The following P2RX5 variants were observed in gnomAD, a reference collection of about 807,000 sequenced individuals.
P2RX5 encodes purinergic receptor P2X 5.
P2RX5 carries 46 observed loss-of-function variants against 54.1 expected under a neutral mutation model. The ratio of observed to expected loss-of-function variants is 0.85; its 90% CI spans 0.67 to 1.09. P2RX5 has a LOEUF of 1.09. P2RX5 is among the 50% of genes least tolerant of loss of function. P2RX5 has a pLI of 0.00. For missense variants in P2RX5, 566 were observed against 549.8 expected (o/e 1.03, Z -0.29); for synonymous variants, 226 against 226.4 (o/e 1.00, Z 0.02).
chr17:3,676,473 G>GT, intron 11 of P2RX5: 3 of 983,990 alleles, frequency 3.0e-6, no homozygotes, highest in Non-Finnish European at 2.4e-6. Context: ...TTTGAATCAT[G>GT]TAAGTATTAC....
intron 11 of P2RX5, chr17:3,678,129 G>A (rs2050145625): frequency 1.0e-6 from 1 of 985,098 alleles, no homozygotes; most frequent in Admixed American, 6.1e-5. Flanking sequence ...TTCTGCAAAT[G>A]GCCAGACCTG....
chr17:3,721,669 G>C, the P2RX5 span: 2 of 152,102 alleles, frequency 1.3e-5, no homozygotes, highest in African/African-American at 4.8e-5. Flanking sequence ...ATGTCACCTG[G>C]ATCACTGTAA....
At chr17:3,696,828 G>A (rs1443275624), upstream of P2RX5, among the ~76,000 whole-genome samples, 1 of 152,134 alleles carries the variant, frequency 6.6e-6, no homozygotes, top group Non-Finnish European at 1.5e-5. Flanking sequence ...GGGAACTGAG[G>A]CCAGGGGAGG....
chr17:3,674,487 C>T (rs1162275839), intron 11 of P2RX5, among the ~76,000 whole-genome samples: 1 of 152,230 alleles, frequency 6.6e-6, no homozygotes, highest in Non-Finnish European at 1.5e-5. Flanking sequence ...CGATCCCTGG[C>T]TCTTCTGAGC....
chr17:3,716,534 T>A, the P2RX5 span, among the ~76,000 whole-genome samples: 1 of 152,222 alleles, frequency 6.6e-6, no homozygotes, highest in Non-Finnish European at 1.5e-5. Flanking sequence ...TTTACTCATT[T>A]GTCTAAATGG....
At chr17:3,702,999 G>A in the P2RX5 span, among the ~76,000 whole-genome samples, 1 of 152,166 alleles carries the variant, frequency 6.6e-6, no homozygotes, top group Non-Finnish European at 1.5e-5. Context: ...TAAAAGCTAC[G>A]AGGGAGCCTC....
chr17:3,706,713 G>A, the P2RX5 span, among the ~76,000 whole-genome samples: 2 of 152,142 alleles, frequency 1.3e-5, no homozygotes, highest in Non-Finnish European at 2.9e-5. Flanking sequence ...CCGGGTTCAA[G>A]TGATTCTCCT....
At position 3,691,761 on chromosome 17, in the gene P2RX5, G is replaced by C; in HGVS notation, c.171C>G (p.Asp57Glu). 6.2e-7 allele frequency: 1 copy of C among 1,614,210 alleles called. No homozygotes were observed. Among genetic ancestry groups the C allele is most frequent in the South Asian group, 1.1e-5 (1 of 91,084 alleles). The change falls in exon 2 of 12, where the codon GAC becomes GAG. Residue 57 changes from aspartate (D) to glutamate (E), a missense_variant. Coordinates refer to ENST00000225328, the MANE Select transcript of P2RX5 (RefSeq NM_002561.4). ...CAGCACTCTGCAGGGAGGTGTCGACGTCTTGGTAACCCTTCTTTATCAGGA... is the reference window on the plus strand; with the variant it reads ...CAGCACTCTGCAGGGAGGTGTCGACCTCTTGGTAACCCTTCTTTATCAGGA... ...WVFLIKKGYQ[D>E]VDTSLQSAVI...
intron 11 of P2RX5, chr17:3,675,607 A>C: frequency 1.0e-6 from 1 of 962,140 alleles, no homozygotes; most frequent in South Asian, 4.8e-5. Flanking sequence ...GCCAGAGTGC[A>C]GTGGTATGAT....
the P2RX5 span, among the ~76,000 whole-genome samples, chr17:3,722,982 T>C: frequency 9.9e-5 from 15 of 152,002 alleles, no homozygotes; most frequent in African/African-American, 3.4e-4. Flanking sequence ...GCAGTGGAAA[T>C]GGAGAGAAGT....
At chr17:3,723,831 C>G in the P2RX5 span, 4 of 1,551,614 alleles carry the variant, frequency 2.6e-6, no homozygotes, top group Non-Finnish European at 3.5e-6. Context: ...TGGCGAGGTG[C>G]GCATGCGCAG....
At chr17:3,685,504 G>C (rs2050420154) in intron 9 of P2RX5, 1 of 154,452 alleles carries the variant, frequency 6.5e-6, no homozygotes, top group Non-Finnish European at 1.5e-5. Flanking sequence ...GGAGGGAGGG[G>C]AGGTACTCCC....
chr17:3,689,462 G>A (rs1403101589), intron 7 of P2RX5, 30 bp downstream of exon 7: 7 of 1,612,788 alleles, frequency 4.3e-6, no homozygotes, highest in Non-Finnish European at 5.9e-6. Flanking sequence ...CAGGCCCTCA[G>A]GGAGGGCTCC....
At chr17:3,676,263 T>G in intron 11 of P2RX5, 2 of 985,416 alleles carry the variant, frequency 2.0e-6, no homozygotes, top group Non-Finnish European at 2.4e-6. Context: ...CGAAACGTAC[T>G]TCATGTCCAT....
intron 7 of P2RX5, 83 bp from the exon 8 acceptor site, chr17:3,688,842 G>A (rs2050522159): frequency 6.7e-7 from 1 of 1,482,214 alleles, no homozygotes; most frequent in Admixed American, 1.7e-5. Flanking sequence ...ACCGGCACTG[G>A]ACAATAGGAG....
upstream of P2RX5, among the ~76,000 whole-genome samples, chr17:3,698,685 C>T (rs1238775604): frequency 6.6e-6 from 1 of 152,172 alleles, no homozygotes; most frequent in African/African-American, 2.4e-5. Context: ...CCCTCCAGTA[C>T]AGGCAGCCCC....
chr17:3,691,654 A>G lies in P2RX5; in HGVS notation c.278T>C (p.Ile93Thr), dbSNP rs983420187. 6.2e-7 allele frequency: 1 copy of G among 1,614,168 alleles called. No individual in the cohort carries two copies. Among genetic ancestry groups the G allele is most frequent in the African/African-American group, 1.3e-5 (1 of 75,070 alleles). ...GGTGGGGACTCAGACCTGGGCTGGA[A>G]TGACGTAGTCGGCGACATCCCAGAT... ...QRIWDVADYVIPAQGENVFFV... is the reference protein window; with the variant it reads ...QRIWDVADYVTPAQGENVFFV... The change falls in exon 2 of 12, where the codon ATT becomes ACT. Residue 93 changes from isoleucine (I) to threonine (T), a missense_variant. Transcript: ENST00000225328.
At chr17:3,703,452 C>T in the P2RX5 span, among the ~76,000 whole-genome samples, 1 of 151,974 alleles carries the variant, frequency 6.6e-6, no homozygotes, top group Non-Finnish European at 1.5e-5. Flanking sequence ...TGCTTGAGCC[C>T]AGGAGATTGA....
Position 3,690,136 on chromosome 17 carries a change from T to A in P2RX5, c.548A>T (p.Lys183Met). 1 of 1,614,166 alleles carries A rather than the reference T, an allele frequency of 6.2e-7. No individual in the cohort carries two copies. Among genetic ancestry groups the A allele is most frequent in the Non-Finnish European group, 8.5e-7 (1 of 1,180,008 alleles). The change falls in exon 6 of 12, where the codon AAG (lysine) becomes ATG (methionine). Residue 183 changes from lysine (K) to methionine (M), a missense_variant. Physicochemically the swap from Lys to Met is moderately conservative, Grantham distance 95. Transcript: ENST00000225328. The part of the protein sequence containing the change: ...TSSRPEEPFL[K>M]EAEDFTIFIK... Reference sequence around the variant, plus strand: ...GAAAATGGTGAAGTCTTCGGCCTCCTTCAGGAATGGCTCCCTGAAAACCAA... The same window carrying A: ...GAAAATGGTGAAGTCTTCGGCCTCCATCAGGAATGGCTCCCTGAAAACCAA...
Sources: gnomAD v4.1 joint callset for allele counts (sites outside exome capture counted in the v4.1 genomes callset) on GRCh38, gnomAD v4.1.1 for gene constraint, MANE v1.5 for transcripts, NCBI Gene and HGNC (gene_info 2026-07-23, HGNC 2026-07-21) for gene names.